Variants in CLASP1 observed in about 807,000 individuals in gnomAD.
The protein encoded by CLASP1 is CLIP-associating protein 1.
CLASP1 carries 38 observed loss-of-function variants against 192.3 expected under a neutral mutation model. The observed-to-expected ratio is 0.20, with a 90% CI of 0.15 to 0.26. CLASP1 has a LOEUF of 0.26. Among genes scored for constraint, CLASP1 ranks in the 10% least tolerant of loss-of-function variants. The probability of loss-of-function intolerance (pLI) is 1.00; values close to 1 mark genes in which losing one functional copy is unlikely to be tolerated. For synonymous variants in CLASP1, 691 were observed against 712.8 expected (o/e 0.97, Z 0.49); for missense variants, 1,433 against 1,932.5 (o/e 0.74, Z 4.85).
At chr2:121,588,173 CAAAAAA>C (rs397769809) in intron 2 of CLASP1, among the ~76,000 whole-genome samples, 1 of 61,054 alleles carries the variant, frequency 1.6e-5, no homozygotes, top group Non-Finnish European at 4.0e-5. Context: ...GACTCCGTCT[CAAAAAA>C]AAAAAAAAAA....
chr2:121,447,946 A>G (rs1262223685), intron 18 of CLASP1, among the ~76,000 whole-genome samples: 2 of 152,184 alleles, frequency 1.3e-5, no homozygotes, highest in African/African-American at 4.8e-5. Context: ...CTGCTGCTCA[A>G]AACGCCACCA....
At chr2:121,348,147 G>A (rs2063711029) in intron 38 of CLASP1, among the ~76,000 whole-genome samples, 1 of 152,036 alleles carries the variant, frequency 6.6e-6, no homozygotes. Flanking sequence ...TGCTGCATGA[G>A]ACCAAGGACC....
chr2:121,571,164 T>G (rs1445542976), intron 2 of CLASP1, among the ~76,000 whole-genome samples: 3 of 151,680 alleles, frequency 2.0e-5, no homozygotes, highest in East Asian at 1.9e-4. Flanking sequence ...ATAATTAAAT[T>G]TATTTATTTA....
chr2:121,408,659 G>A (rs1335118573), intron 24 of CLASP1, among the ~76,000 whole-genome samples: 1 of 151,974 alleles, frequency 6.6e-6, no homozygotes, highest in Non-Finnish European at 1.5e-5. Context: ...TTTTTGTTTG[G>A]ATAATAAATT....
At chr2:121,500,733 G>T (rs72969353) in intron 8 of CLASP1, among the ~76,000 whole-genome samples, 6,156 of 152,252 alleles carry the variant, frequency 0.04, 165 homozygotes, top group East Asian at 0.14. Flanking sequence ...TGGCTATATA[G>T]TACTCAGTTT....
chr2:121,474,901 T>G (rs978774681), intron 8 of CLASP1, among the ~76,000 whole-genome samples: 1 of 152,146 alleles, frequency 6.6e-6, no homozygotes, highest in Non-Finnish European at 1.5e-5. Context: ...ACTATAGGGA[T>G]AGTGAGAAGG....
At chr2:121,529,842 C>T (rs1324213442) in intron 3 of CLASP1, among the ~76,000 whole-genome samples, 1 of 152,154 alleles carries the variant, frequency 6.6e-6, no homozygotes, top group African/African-American at 2.4e-5. Context: ...GGACCGGGGT[C>T]AGGGTAAAAT....
At chr2:121,422,534 T>C (rs1050420738) in intron 22 of CLASP1, among the ~76,000 whole-genome samples, 2 of 152,172 alleles carry the variant, frequency 1.3e-5, no homozygotes, top group East Asian at 1.9e-4. Flanking sequence ...ATTGTATCTA[T>C]AAAGTATTAT....
At chr2:121,462,467 G>T in intron 10 of CLASP1, 65 bp downstream of exon 10, 1 of 925,142 alleles carries the variant, frequency 1.1e-6, no homozygotes, top group Non-Finnish European at 1.7e-6. Flanking sequence ...AGGCAGAATT[G>T]AAAAATAAAA....
At chr2:121,362,492 C>T (rs1161144464) in intron 37 of CLASP1, among the ~76,000 whole-genome samples, 1 of 152,334 alleles carries the variant, frequency 6.6e-6, no homozygotes, top group Admixed American at 6.5e-5. Context: ...GCAGAGATAG[C>T]TTGCTAGCAT....
At chr2:121,594,232 G>A (rs1172480803) in intron 2 of CLASP1, among the ~76,000 whole-genome samples, 8 of 150,428 alleles carry the variant, frequency 5.3e-5, no homozygotes, top group South Asian at 4.2e-4. Flanking sequence ...CCCGGGAGGC[G>A]GAGCTTTCAG....
intron 2 of CLASP1, among the ~76,000 whole-genome samples, chr2:121,542,458 T>C (rs1559566069): frequency 6.6e-6 from 1 of 152,326 alleles, no homozygotes; most frequent in East Asian, 1.9e-4. Context: ...TACACTGTAA[T>C]TTTCACATTC....
exon 28 of CLASP1, chr2:121,401,635 A>G: frequency 6.2e-7 from 1 of 1,612,426 alleles, no homozygotes; most frequent in Non-Finnish European, 8.5e-7. Context: ...ATGAATTATT[A>G]TAAAATCCAC....
At chr2:121,437,870 G>C (rs905059909) in intron 19 of CLASP1, among the ~76,000 whole-genome samples, 2 of 152,148 alleles carry the variant, frequency 1.3e-5, no homozygotes, top group African/African-American at 4.8e-5. Flanking sequence ...GCCATGCTTA[G>C]GTTTGAAGCT....
At chr2:121,555,093 C>T (rs1368562471) in intron 2 of CLASP1, among the ~76,000 whole-genome samples, 2 of 152,164 alleles carry the variant, frequency 1.3e-5, no homozygotes, top group Admixed American at 6.5e-5. Flanking sequence ...TCTGTGCAGA[C>T]CCAGAGTCCT....
intron 6 of CLASP1, among the ~76,000 whole-genome samples, chr2:121,523,802 A>G (rs926668273): frequency 6.6e-6 from 1 of 152,216 alleles, no homozygotes; most frequent in Non-Finnish European, 1.5e-5. Flanking sequence ...AAATCAAGCT[A>G]GTAATCTCCA....
intron 22 of CLASP1, among the ~76,000 whole-genome samples, chr2:121,423,154 G>T (rs76172900): frequency 6.6e-6 from 1 of 151,764 alleles, no homozygotes; most frequent in Non-Finnish European, 1.5e-5. Context: ...ATATATTCTC[G>T]CAATGTGTGG....
chr2:121,418,996 T>C (rs1025731695), intron 22 of CLASP1, among the ~76,000 whole-genome samples: 1 of 151,860 alleles, frequency 6.6e-6, no homozygotes, highest in Non-Finnish European at 1.5e-5. Flanking sequence ...ATGTAAGAAG[T>C]GAAAAGAAAT....
chr2:121,530,897 G>T, intron 2 of CLASP1: 1 of 694,928 alleles, frequency 1.4e-6, no homozygotes, highest in Non-Finnish European at 2.6e-6. Flanking sequence ...CTTTTCTTGG[G>T]GTTGCGCTAC....
Sources: allele counts gnomAD v4.1 joint callset (sites outside exome capture counted in the v4.1 genomes callset), GRCh38; gene constraint gnomAD v4.1.1; transcripts MANE v1.5; gene names NCBI Gene and HGNC (gene_info 2026-07-23, HGNC 2026-07-21).